ELP4: variants seen among roughly 807,000 people sequenced by gnomAD.
The protein encoded by ELP4 is elongator acetyltransferase complex subunit 4.
In ELP4, 51 loss-of-function variants were observed where a neutral mutation model predicts 48.9. That is an observed-to-expected ratio of 1.04 (90% CI 0.83 to 1.32). ELP4 has a LOEUF of 1.32. Ranked by LOEUF, ELP4 falls within the 40% of genes most tolerant of loss-of-function variation. ELP4 has a pLI of 0.00. For synonymous variants in ELP4, 210 were observed against 189.2 expected, an observed-to-expected ratio of 1.11 and a Z score of -0.90; for missense variants, 519 against 514.6, an observed-to-expected ratio of 1.01 and a Z score of -0.08.
At chr11:31,577,328 G>A (rs938117934) in intron 3 of ELP4, among the ~76,000 whole-genome samples, 3 of 152,086 alleles carry the variant, frequency 2.0e-5, no homozygotes, top group Non-Finnish European at 2.9e-5. Context: ...AGGACCCGAT[G>A]GATTAACAGC....
intron 3 of ELP4, among the ~76,000 whole-genome samples, chr11:31,570,182 A>G (rs539025144): frequency 6.6e-6 from 1 of 152,356 alleles, no homozygotes; most frequent in Non-Finnish European, 1.5e-5. Flanking sequence ...ATGCAGCCAT[A>G]AAGAAATCAT....
At chr11:31,510,895 C>T (rs934642934) in intron 1 of ELP4, 2 of 152,314 alleles carry the variant, frequency 1.3e-5, no homozygotes, top group African/African-American at 4.8e-5. Flanking sequence ...TCATTAAAAC[C>T]CCGTCTGTGT....
At chr11:31,671,063 C>T (rs1945796775) in intron 9 of ELP4, among the ~76,000 whole-genome samples, 1 of 151,752 alleles carries the variant, frequency 6.6e-6, no homozygotes, top group South Asian at 2.1e-4. Context: ...AAGGTAATAC[C>T]TAATTTAGGA....
At chr11:31,772,721 A>G (rs1161419670) in intron 9 of ELP4, among the ~76,000 whole-genome samples, 1 of 152,186 alleles carries the variant, frequency 6.6e-6, no homozygotes, top group African/African-American at 2.4e-5. Context: ...CAGCAAGGGA[A>G]GTTTGAAAAT....
intron 3 of ELP4, among the ~76,000 whole-genome samples, chr11:31,568,781 A>G (rs1035028824): frequency 6.6e-6 from 1 of 152,110 alleles, no homozygotes; most frequent in Non-Finnish European, 1.5e-5. Context: ...TTAACTCAAG[A>G]TGGATTAAAA....
At chr11:31,533,981 T>G (rs1358954196) in intron 2 of ELP4, among the ~76,000 whole-genome samples, 1 of 151,414 alleles carries the variant, frequency 6.6e-6, no homozygotes, top group East Asian at 2.0e-4. Context: ...GACTACAGGC[T>G]CCCGCCACCA....
chr11:31,738,952 A>T (rs375205335), intron 9 of ELP4, among the ~76,000 whole-genome samples: 13 of 152,358 alleles, frequency 8.5e-5, no homozygotes, highest in African/African-American at 3.1e-4. Flanking sequence ...TTCAATGAGT[A>T]TAAAGTTTCA....
chr11:31,692,317 G>C (rs1051598142), intron 9 of ELP4, among the ~76,000 whole-genome samples: 1 of 152,104 alleles, frequency 6.6e-6, no homozygotes, highest in African/African-American at 2.4e-5. Context: ...GAAATTGAAA[G>C]ATACAATATA....
intron 8 of ELP4, chr11:31,648,100 C>A (rs769362365): frequency 3.7e-5 from 11 of 293,542 alleles, no homozygotes; most frequent in Non-Finnish European, 7.0e-5. Flanking sequence ...TATATTTTGT[C>A]ATCCTAGTGG....
At chr11:31,548,141 A>G (rs1168533057) in intron 3 of ELP4, among the ~76,000 whole-genome samples, 3 of 152,206 alleles carry the variant, frequency 2.0e-5, no homozygotes, top group Admixed American at 6.5e-5. Flanking sequence ...GGCCAGGGCA[A>G]TTAGGCAGGA....
intron 3 of ELP4, among the ~76,000 whole-genome samples, chr11:31,563,931 A>G (rs564935094): frequency 2.6e-4 from 39 of 152,332 alleles, no homozygotes; most frequent in Admixed American, 8.5e-4. Flanking sequence ...GGAGGATGTT[A>G]TCTGTGATTG....
chr11:31,694,229 T>C (rs1480859836), intron 9 of ELP4, among the ~76,000 whole-genome samples: 1 of 152,182 alleles, frequency 6.6e-6, no homozygotes, highest in Non-Finnish European at 1.5e-5. Flanking sequence ...AGACATGAAG[T>C]CCTTGCCCAT....
At chr11:31,628,370 A>G (rs1214610857) in intron 6 of ELP4, 2 of 151,698 alleles carry the variant, frequency 1.3e-5, no homozygotes, top group Admixed American at 6.6e-5. Context: ...CAGGATGATG[A>G]TGACACATCT....
At chr11:31,704,817 C>T (rs1278931330) in intron 9 of ELP4, among the ~76,000 whole-genome samples, 2 of 151,800 alleles carry the variant, frequency 1.3e-5, no homozygotes, top group African/African-American at 4.8e-5. Context: ...TCGAGACCAG[C>T]CTGGCCAACA....
At chr11:31,708,063 A>AT (rs1946670174) in intron 9 of ELP4, among the ~76,000 whole-genome samples, 2 of 152,076 alleles carry the variant, frequency 1.3e-5, no homozygotes, top group Non-Finnish European at 2.9e-5. Flanking sequence ...TCATTCTTTT[A>AT]TTTTTTAGTT....
chr11:31,650,777 T>G (rs183409146), intron 9 of ELP4: 1 of 151,864 alleles, frequency 6.6e-6, no homozygotes. Flanking sequence ...GACAAAATAT[T>G]TATTTCAACT....
At chr11:31,760,024 T>C (rs1007749316) in intron 9 of ELP4, among the ~76,000 whole-genome samples, 2 of 152,196 alleles carry the variant, frequency 1.3e-5, no homozygotes, top group Non-Finnish European at 2.9e-5. Context: ...GATTACCAGC[T>C]TGAATAGTTT....
At chr11:31,776,175 A>AAAAG (rs1491411536) in intron 9 of ELP4, among the ~76,000 whole-genome samples, 1 of 148,860 alleles carries the variant, frequency 6.7e-6, no homozygotes, top group African/African-American at 2.5e-5. Flanking sequence ...AAAAAAAAAA[A>AAAAG]GAGTATGGGA....
intron 9 of ELP4, among the ~76,000 whole-genome samples, chr11:31,668,823 AACTT>A (rs1018173574): frequency 6.6e-6 from 1 of 151,926 alleles, no homozygotes; most frequent in Admixed American, 6.6e-5. Flanking sequence ...GAGTCAATTG[AACTT>A]ACAAGGACTA....
Sources: allele counts gnomAD v4.1 joint callset (sites outside exome capture counted in the v4.1 genomes callset), GRCh38; gene constraint gnomAD v4.1.1; transcripts MANE v1.5; gene names NCBI Gene and HGNC (gene_info 2026-07-23, HGNC 2026-07-21).